Variants in PRKN observed in about 807,000 individuals in gnomAD.
PRKN encodes parkin RBR E3 ubiquitin protein ligase.
Under a neutral mutation model 59.5 loss-of-function variants are expected in PRKN, and 56 were observed. The ratio of observed to expected loss-of-function variants is 0.94; its 90% confidence interval spans 0.76 to 1.18. The LOEUF (loss-of-function observed/expected upper bound fraction) is 1.18. PRKN is among the 50% of genes most tolerant of loss of function. PRKN has a pLI of 0.00. For missense variants in PRKN, 657 were observed against 596.4 expected (o/e 1.10, Z -1.06); for synonymous variants, 250 against 222.1 (o/e 1.13, Z -1.12).
At chr6:162,629,259 G>GA (rs1783011541) in intron 1 of PRKN, among the ~76,000 whole-genome samples, 1 of 152,032 alleles carries the variant, frequency 6.6e-6, no homozygotes, top group South Asian at 2.1e-4. Context: ...GTTAATTAAG[G>GA]AAAGTCCAAT....
intron 1 of PRKN, among the ~76,000 whole-genome samples, chr6:162,524,763 T>C (rs1778214594): frequency 6.6e-6 from 1 of 152,128 alleles, no homozygotes; most frequent in Admixed American, 6.6e-5. Flanking sequence ...TGATACTACA[T>C]CAAAAACTGC....
chr6:162,244,046 T>C (rs1171533624), intron 3 of PRKN, among the ~76,000 whole-genome samples: 1 of 152,078 alleles, frequency 6.6e-6, no homozygotes, highest in Non-Finnish European at 1.5e-5. Flanking sequence ...TTAGAAACAC[T>C]TGGTATATAC....
At chr6:162,425,413 T>C (rs1789185463) in intron 2 of PRKN, among the ~76,000 whole-genome samples, 1 of 152,150 alleles carries the variant, frequency 6.6e-6, no homozygotes, top group South Asian at 2.1e-4. Context: ...TCAGGATTAG[T>C]TACCTAAGAA....
chr6:162,640,748 T>A (rs1777926184), intron 1 of PRKN, among the ~76,000 whole-genome samples: 1 of 152,306 alleles, frequency 6.6e-6, no homozygotes, highest in South Asian at 2.1e-4. Context: ...AATACCTGTT[T>A]GTAAGGCTGT....
intron 5 of PRKN, among the ~76,000 whole-genome samples, chr6:161,973,999 GC>G (rs1350053039): frequency 6.6e-6 from 1 of 152,244 alleles, no homozygotes; most frequent in Non-Finnish European, 1.5e-5. Flanking sequence ...CGGCGCGTTG[GC>G]TCGCGCCTGT....
rs1226943581 is a variant in PRKN at position 161,377,201 on chromosome 6, A to T, written c.1167+9593T>A. Among the ~76,000 whole-genome samples the T allele has an allele frequency of 1.3e-5, 2 of 152,178 alleles. No individual in the cohort carries two copies. Among genetic ancestry groups the T allele is most frequent in the African/African-American group, 2.4e-5 (1 of 41,462 alleles). ...GAGAACGATGGACCATTTGAAAGAGAGCCCCTGGCACGCTACCGAGCCCTG... is the reference window on the plus strand; with the variant it reads ...GAGAACGATGGACCATTTGAAAGAGTGCCCCTGGCACGCTACCGAGCCCTG... On this transcript the variant is annotated intron_variant, in intron 10 of 11. Transcript: ENST00000366898. This position sits in a 1 kb window ranked among gnomAD's most constrained non-coding sequence, Gnocchi z 4.2.
intron 1 of PRKN, among the ~76,000 whole-genome samples, chr6:162,449,423 A>G (rs1046190564): frequency 1.3e-5 from 2 of 152,148 alleles, no homozygotes; most frequent in African/African-American, 4.8e-5. Context: ...AATCTCTAGA[A>G]CTGCATCTTT....
At chr6:162,522,685 C>G (rs542154229) in intron 1 of PRKN, among the ~76,000 whole-genome samples, 17 of 152,122 alleles carry the variant, frequency 1.1e-4, no homozygotes, top group Non-Finnish European at 1.6e-4. Flanking sequence ...AACAACATCA[C>G]TGGGTTTTTC....
At chr6:161,794,844 C>T (rs1397964037) in intron 6 of PRKN, among the ~76,000 whole-genome samples, 1 of 152,134 alleles carries the variant, frequency 6.6e-6, no homozygotes, top group Non-Finnish European at 1.5e-5. Context: ...TGTCTAATTT[C>T]TTGTAATGTT....
chr6:162,090,943 C>T (rs376541390), intron 4 of PRKN, among the ~76,000 whole-genome samples: 1 of 151,880 alleles, frequency 6.6e-6, no homozygotes, highest in Non-Finnish European at 1.5e-5. Flanking sequence ...CCCCTCATTG[C>T]TTTCCAGCTA....
rs190028977 is a variant in PRKN, at chr6:161,418,993, A to C, written c.1084-32116T>G. On this transcript the variant is annotated intron_variant, in intron 9 of 11. Transcript: ENST00000366898. ...CACAGAAACAATCGTATATCATAGA[A>C]AATTAGAAGTGAGGCAGTAAAGCGA... is the stretch of plus-strand genomic sequence containing the variant. Among the ~76,000 whole-genome samples the C allele has an allele frequency of 1.0e-3, 152 of 152,350 alleles. 1 individual carries two copies. The highest frequency in any genetic ancestry group is 3.4e-3 in the African/African-American group (143 of 41,574).
chr6:162,493,334 T>C (rs1792906787), intron 1 of PRKN, among the ~76,000 whole-genome samples: 1 of 152,156 alleles, frequency 6.6e-6, no homozygotes, highest in African/African-American at 2.4e-5. Flanking sequence ...TTTGCTGGGT[T>C]TGTAGAGGCA....
chr6:162,061,679 T>C (rs1778111653), intron 4 of PRKN, among the ~76,000 whole-genome samples: 1 of 152,176 alleles, frequency 6.6e-6, no homozygotes, highest in Non-Finnish European at 1.5e-5. Flanking sequence ...AGCAGCAGCA[T>C]AATAAATGCA....
At position 161,551,440 on chromosome 6, in the gene PRKN, G is replaced by T. The variant is rs1036573411; in HGVS notation, c.934-2437C>A. Among the ~76,000 whole-genome samples, 5 of 152,154 alleles carry T rather than the reference G, an allele frequency of 3.3e-5. No homozygotes were observed. Among genetic ancestry groups the T allele is most frequent in the African/African-American group, 1.2e-4 (5 of 41,446 alleles). ...GTGATTATCCAACCTCTGCAGGGAA[G>T]GTGAGAAAACACCAGCAAAGGAGAC... On this transcript the variant is annotated intron_variant, in intron 8 of 11. Coordinates refer to ENST00000366898, the MANE Select transcript of PRKN (RefSeq NM_004562.3). This position sits in a 1 kb window ranked among gnomAD's most constrained non-coding sequence, Gnocchi z 5.2.
chr6:162,613,402 C>T (rs930240305), intron 1 of PRKN, among the ~76,000 whole-genome samples: 1 of 152,192 alleles, frequency 6.6e-6, no homozygotes, highest in African/African-American at 2.4e-5. Flanking sequence ...ATCAGTTTGA[C>T]TCATATTATC....
intron 2 of PRKN, among the ~76,000 whole-genome samples, chr6:162,280,901 T>A (rs1468156198): frequency 6.7e-6 from 1 of 148,292 alleles, no homozygotes; most frequent in Non-Finnish European, 1.5e-5. Context: ...AAAAAATCAA[T>A]GAATGCAGGA....
intron 1 of PRKN, among the ~76,000 whole-genome samples, chr6:162,478,052 G>A (rs1021315138): frequency 3.9e-5 from 6 of 152,114 alleles, no homozygotes; most frequent in South Asian, 2.1e-4. Flanking sequence ...AGCACAGGGC[G>A]AACATGGTTA....
intron 6 of PRKN, among the ~76,000 whole-genome samples, chr6:161,849,839 C>CTTGG (rs1286761428): frequency 1.3e-5 from 2 of 152,292 alleles, no homozygotes; most frequent in Non-Finnish European, 2.9e-5. Context: ...TCCTGATGTG[C>CTTGG]TTGGAACAGT....
intron 3 of PRKN, among the ~76,000 whole-genome samples, chr6:162,256,167 G>A (rs1583275623): frequency 6.6e-6 from 1 of 152,032 alleles, no homozygotes; most frequent in East Asian, 1.9e-4. Flanking sequence ...GCCTGATTCT[G>A]TGAAATTATC....
Sources: gnomAD v4.1 joint callset for allele counts (sites outside exome capture counted in the v4.1 genomes callset) on GRCh38, gnomAD v4.1.1 for gene constraint, Gnocchi (gnomAD v3.1) non-coding constraint, MANE v1.5 for transcripts, NCBI Gene and HGNC (gene_info 2026-07-23, HGNC 2026-07-21) for gene names.